IGDCC4: variants seen among roughly 807,000 people sequenced by gnomAD.
IGDCC4 encodes the protein likely ortholog of mouse neighbor of Punc E11.
In IGDCC4, 72 loss-of-function variants were observed where a neutral mutation model predicts 116.6. That is an observed-to-expected ratio of 0.62 (90% confidence interval 0.51 to 0.75). IGDCC4 has a LOEUF of 0.75. Among genes scored for constraint, IGDCC4 ranks in the 30% least tolerant of loss-of-function variants. IGDCC4 has a pLI of 0.00. For missense variants in IGDCC4, 1,501 were observed against 1,662.4 expected (o/e 0.90, Z 1.69); for synonymous variants, 709 against 719.9 (o/e 0.98, Z 0.24).
chr15:65,395,711 C>T, intron 7 of IGDCC4, 39 bp downstream of exon 7: 5 of 1,402,684 alleles, frequency 3.6e-6, no homozygotes, highest in Non-Finnish European at 3.7e-6. Flanking sequence ...GCGCCCCGCC[C>T]GGGCCTGCGC....
intron 3 of IGDCC4, among the ~76,000 whole-genome samples, chr15:65,407,775 C>T (rs1330860603): frequency 1.3e-5 from 2 of 150,794 alleles, no homozygotes; most frequent in Non-Finnish European, 2.9e-5. Flanking sequence ...TACAGGCATG[C>T]GTCACCACGC....
intron 16 of IGDCC4, among the ~76,000 whole-genome samples, chr15:65,387,597 C>T (rs1055856240): frequency 1.1e-4 from 17 of 152,052 alleles, no homozygotes; most frequent in African/African-American, 2.7e-4. Flanking sequence ...ATGATCCGCC[C>T]GCACCTTGGC....
chr15:65,394,488 G>C lies in IGDCC4; in HGVS notation c.1637C>G (p.Ala546Gly). ...CAGGCTGGGGGGCAGGGGCAGCCAC[G>C]CCACCCTGATGTCCGAAGGGTTGGG... ...SSPNPSDIRV[A>G]WLPLPPSLSN... The change falls in exon 9 of 20, where the codon GCG becomes GGG. Residue 546 changes from alanine to glycine, a missense_variant. Ala to Gly is a moderately conservative substitution (Grantham distance 60). Coordinates refer to ENST00000352385, the MANE Select transcript of IGDCC4 (RefSeq NM_020962.3). 1 of 1,613,596 alleles carries C rather than the reference G, an allele frequency of 6.2e-7. No individual in the cohort carries two copies. Among genetic ancestry groups the C allele is most frequent in the Non-Finnish European group, 8.5e-7 (1 of 1,179,764 alleles).
intron 1 of IGDCC4, among the ~76,000 whole-genome samples, chr15:65,422,394 A>G (rs935781683): frequency 5.3e-5 from 8 of 151,788 alleles, no homozygotes; most frequent in African/African-American, 1.9e-4. Flanking sequence ...ACACACTCTC[A>G]ACCCAAGACA....
intron 5 of IGDCC4, among the ~76,000 whole-genome samples, chr15:65,397,308 C>T (rs1783753586): frequency 1.3e-5 from 2 of 152,306 alleles, no homozygotes; most frequent in South Asian, 4.1e-4. Context: ...TCAAGAAGGA[C>T]ATGCTCCTTC....
At chr15:65,385,186 G>A in intron 18 of IGDCC4, 71 bp from the exon 19 acceptor site, 1 of 1,478,786 alleles carries the variant, frequency 6.8e-7, no homozygotes, top group Non-Finnish European at 9.0e-7. Flanking sequence ...GCCCGGGGGA[G>A]GGAATTGGGA....
At position 65,381,628 on chromosome 15, in the gene IGDCC4, G is replaced by A. The variant is rs1261159728; in HGVS notation, c.*2381C>T. The A allele has an allele frequency of 3.3e-5, 5 of 152,022 alleles. No individual in the cohort carries two copies. Among genetic ancestry groups the A allele is most frequent in the African/African-American group, 9.7e-5 (4 of 41,380 alleles). The allele number at this position is 152,022 out of a possible 1,614,324, so 9.4% of individuals were successfully genotyped here. On this transcript the variant is annotated 3_prime_UTR_variant, in exon 20 of 20. Coordinates refer to ENST00000352385, the MANE Select transcript of IGDCC4 (RefSeq NM_020962.3). ...AATAGTACAGCATAAACTAAATACA[G>A]ACAAATAAATGAGCAAGTACTGATT...
intron 1 of IGDCC4, among the ~76,000 whole-genome samples, chr15:65,418,672 AC>A (rs1440776354): frequency 1.3e-5 from 2 of 151,958 alleles, no homozygotes; most frequent in Non-Finnish European, 2.9e-5. Context: ...AGCTCCTGTC[AC>A]CCACCTCTGA....
chr15:65,402,317 C>T (rs759194283), intron 4 of IGDCC4, 34 bp downstream of exon 4: 29 of 1,551,662 alleles, frequency 1.9e-5, no homozygotes, highest in Middle Eastern at 3.7e-4. Flanking sequence ...GTTCCAGAAA[C>T]CCCCAGGTTT....
chr15:65,390,800 G>C (rs765645645), intron 12 of IGDCC4, among the ~76,000 whole-genome samples: 7 of 152,056 alleles, frequency 4.6e-5, no homozygotes, highest in African/African-American at 7.2e-5. Context: ...ATATTTATAA[G>C]TGTTTATTTT....
intron 1 of IGDCC4, among the ~76,000 whole-genome samples, chr15:65,414,526 G>A (rs1039397252): frequency 2.6e-5 from 4 of 152,154 alleles, no homozygotes; most frequent in African/African-American, 4.8e-5. Flanking sequence ...AACTTTTCTG[G>A]GACTCAGTTT....
At position 65,383,828 on chromosome 15, in the gene IGDCC4, C is replaced by A. The variant is rs2091425166; in HGVS notation, c.*181G>T. 1.1e-5 allele frequency: 6 copies of A among 525,340 alleles called. No homozygotes were observed. The Admixed American group carries it at 1.7e-4, about 15-fold the overall frequency. The allele number at this position is 525,340 out of a possible 1,614,324, so 32.5% of individuals were successfully genotyped here. ...TCTTTCACATGTCACATGTGTATCACAAAGAGTATGGGGGGAGTGAATAAT... is the reference window on the plus strand; with the variant it reads ...TCTTTCACATGTCACATGTGTATCAAAAAGAGTATGGGGGGAGTGAATAAT... On this transcript the variant is annotated 3_prime_UTR_variant, in exon 20 of 20. Transcript: ENST00000352385.
At chr15:65,417,816 G>A (rs2063158282) in intron 1 of IGDCC4, among the ~76,000 whole-genome samples, 1 of 152,070 alleles carries the variant, frequency 6.6e-6, no homozygotes, top group African/African-American at 2.4e-5. Flanking sequence ...GGGTGGTCTC[G>A]AACTCCTGAC....
intron 4 of IGDCC4, 106 bp downstream of exon 4, chr15:65,402,245 T>A: frequency 7.6e-7 from 1 of 1,308,592 alleles, no homozygotes; most frequent in Non-Finnish European, 1.0e-6. Flanking sequence ...GACTAACATT[T>A]ATCACCTACT....
Position 65,383,169 on chromosome 15 carries a change from C to T in IGDCC4, c.*840G>A, listed in dbSNP as rs912020266. ...CCTTGAAGCAGACATGAGGTAGTCA[C>T]GTTGTTAGAGAAGGATGCAGAGTTT... is the stretch of plus-strand genomic sequence containing the variant. On this transcript the variant is annotated 3_prime_UTR_variant, in exon 20 of 20. Coordinates refer to ENST00000352385, the MANE Select transcript of IGDCC4 (RefSeq NM_020962.3). 4 of 152,862 alleles carry T rather than the reference C, an allele frequency of 2.6e-5. No homozygotes were observed. Among genetic ancestry groups the T allele is most frequent in the Non-Finnish European group, 5.9e-5 (4 of 68,238 alleles). 9.5% of individuals were successfully genotyped at this position (152,862 alleles called of 1,614,324 possible). A position where few individuals can be genotyped will look rare whatever the true frequency, so the allele number is the denominator to read the frequency against.
In IGDCC4 at chr15:65,395,162, A is replaced by T. The variant is rs1461913046; in HGVS notation, c.1508T>A (p.Val503Glu). ...GGCTCCCAGCTGGGAGTAGGCCACC[A>T]CGTAGAACTCATAATCTGTGTTGGG... is the stretch of plus-strand genomic sequence containing the variant. ...LEPNTDYEFY[V>E]VAYSQLGASR... The change falls in exon 8 of 20, where the codon GTG (valine) becomes GAG (glutamate). Residue 503 changes from valine to glutamate, a missense_variant. Coordinates refer to ENST00000352385, the MANE Select transcript of IGDCC4 (RefSeq NM_020962.3). 6.2e-7 allele frequency: 1 copy of T among 1,613,890 alleles called. No homozygotes were observed. Among genetic ancestry groups the T allele is most frequent in the African/African-American group, 1.3e-5 (1 of 74,894 alleles).
intron 1 of IGDCC4, among the ~76,000 whole-genome samples, chr15:65,421,437 C>T (rs2063189339): frequency 6.6e-6 from 1 of 152,210 alleles, no homozygotes; most frequent in Non-Finnish European, 1.5e-5. Flanking sequence ...GCCCAGCAGC[C>T]GAGACCCAGC....
intron 3 of IGDCC4, among the ~76,000 whole-genome samples, chr15:65,409,400 T>A (rs1394226034): frequency 6.6e-6 from 1 of 151,952 alleles, no homozygotes; most frequent in Non-Finnish European, 1.5e-5. Flanking sequence ...GGGAGAGGAC[T>A]GCAGGGTGGC....
Position 65,411,330 on chromosome 15 carries a change from G to C in IGDCC4, c.111C>G (p.Ser37Arg). The C allele has an allele frequency of 1.3e-6, 2 of 1,599,250 alleles. No individual in the cohort carries two copies. Among genetic ancestry groups the C allele is most frequent in the Non-Finnish European group, 1.7e-6 (2 of 1,170,980 alleles). The change falls in exon 2 of 20, where the codon AGC becomes AGG. Residue 37 changes from serine (S) to arginine (R), a missense_variant. By Grantham distance (110) the Ser-to-Arg change is moderately radical. This residue lies in a region of IGDCC4 where 898 missense variants were observed against 978.9 expected (regional missense o/e 0.92). Transcript: ENST00000352385. ...LLPQETTVEL[S>R]CGVGPLQVIL... ...TCACTTGCAGTGGCCCCACTCCACA[G>C]CTCAGCTCCACAGTCGTCTCCTGGG... is the stretch of plus-strand genomic sequence containing the variant.
Sources: allele counts gnomAD v4.1 joint callset (sites outside exome capture counted in the v4.1 genomes callset), GRCh38; gene constraint gnomAD v4.1.1; regional missense constraint gnomAD v4.1.1; transcripts MANE v1.5; gene names NCBI Gene and HGNC (gene_info 2026-07-23, HGNC 2026-07-21).